Variants in SNCAIP observed in about 807,000 individuals in gnomAD.
The protein encoded by SNCAIP is synphilin-1.
In SNCAIP, 43 loss-of-function variants were observed where a neutral mutation model predicts 86.7. That is an observed-to-expected ratio of 0.50 (90% CI 0.39 to 0.64). The LOEUF is 0.64. Among genes scored for constraint, SNCAIP ranks in the 30% least tolerant of loss-of-function variants. The probability of loss-of-function intolerance (pLI) is 0.00; values close to 1 mark genes in which losing one functional copy is unlikely to be tolerated. For synonymous variants in SNCAIP, 417 were observed against 427.2 expected (o/e 0.98, Z 0.29); for missense variants, 981 against 1,103.1 (o/e 0.89, Z 1.57).
chr5:122,347,200 G>T, intron 1 of SNCAIP, among the ~76,000 whole-genome samples: 1 of 152,052 alleles, frequency 6.6e-6, no homozygotes, highest in East Asian at 1.9e-4. Flanking sequence ...CCCACAAATT[G>T]TTTGAAAGGA....
At chr5:122,365,124 C>T (rs894573640) in intron 1 of SNCAIP, among the ~76,000 whole-genome samples, 3 of 152,090 alleles carry the variant, frequency 2.0e-5, no homozygotes, top group African/African-American at 7.2e-5. Context: ...CCTATTTAAT[C>T]CCATTTAGCT....
intron 4 of SNCAIP, 44 bp from the exon 5 acceptor site, chr5:122,425,308 T>C: frequency 2.7e-6 from 4 of 1,495,568 alleles, no homozygotes; most frequent in Non-Finnish European, 3.7e-6. Flanking sequence ...AGGGTCTTGC[T>C]CTGATTTATT....
At chr5:122,342,883 T>C (rs1345139545) in intron 1 of SNCAIP, among the ~76,000 whole-genome samples, 31 of 152,254 alleles carry the variant, frequency 2.0e-4, no homozygotes, top group Non-Finnish European at 2.9e-5. Context: ...TTAGGATATG[T>C]TATTCTTATC....
At chr5:122,376,140 T>C (rs1173044708) in intron 1 of SNCAIP, among the ~76,000 whole-genome samples, 1 of 152,130 alleles carries the variant, frequency 6.6e-6, no homozygotes, top group East Asian at 1.9e-4. Context: ...TCGTGCACTC[T>C]AAAGTTTGAG....
At position 122,432,007 on chromosome 5, in the gene SNCAIP, A is replaced by C; in HGVS notation, c.1221A>C (p.Glu407Asp). The C allele has an allele frequency of 1.2e-6, 2 of 1,607,410 alleles. No homozygotes were observed. Among genetic ancestry groups the C allele is most frequent in the Non-Finnish European group, 1.7e-6 (2 of 1,174,144 alleles). ...AGTGCGTACGCTGGATGGTGAGCGA[A>C]ACAGAAGCCATTGCAGAACTGAGTT... ...QLECVRWMVSETEAIAELSCS... is the reference protein window; with the variant it reads ...QLECVRWMVSDTEAIAELSCS... The change falls in exon 6 of 11, where the codon GAA (glutamate) becomes GAC (aspartate). Residue 407 changes from glutamate (E) to aspartate (D), a missense_variant. Transcript: ENST00000261368.
chr5:122,451,590 A>G lies in SNCAIP; in HGVS notation c.2743A>G (p.Lys915Glu), dbSNP rs1270167109. Reference sequence around the variant, plus strand: ...CCCTGCCAGCTCCGCTAGCAAAGGAAAGAATAAGGCAGTAAGTGCTATTTG... The same window carrying G: ...CCCTGCCAGCTCCGCTAGCAAAGGAGAGAATAAGGCAGTAAGTGCTATTTG... The part of the protein sequence containing the change: ...GNPASSASKG[K>E]NKAA Residue 915 changes from lysine (K) to glutamate (E), a missense_variant, in exon 10 of 11, where the codon AAG becomes GAG. Physicochemically the swap from Lys to Glu is moderately conservative, Grantham distance 56. Coordinates refer to ENST00000261368, the MANE Select transcript of SNCAIP (RefSeq NM_005460.4). 4 of 1,605,382 alleles carry G rather than the reference A, an allele frequency of 2.5e-6. No homozygotes were observed. The Admixed American group carries it at 5.0e-5, about 20-fold the overall frequency.
chr5:122,438,030 A>G (rs1180714259), intron 6 of SNCAIP, among the ~76,000 whole-genome samples: 2 of 152,214 alleles, frequency 1.3e-5, no homozygotes, highest in African/African-American at 2.4e-5. Context: ...TGGGGCCTGG[A>G]AATATGGAAT....
At chr5:122,315,077 C>T (rs1212208963) in intron 1 of SNCAIP, among the ~76,000 whole-genome samples, 2 of 152,206 alleles carry the variant, frequency 1.3e-5, no homozygotes, top group Admixed American at 1.3e-4. Context: ...TTATTCATTG[C>T]TGGATAACAA....
At chr5:122,357,239 T>G (rs1456353451) in intron 1 of SNCAIP, among the ~76,000 whole-genome samples, 1 of 152,116 alleles carries the variant, frequency 6.6e-6, no homozygotes, top group African/African-American at 2.4e-5. Context: ...TTTTATTTAT[T>G]TATTTATTTA....
chr5:122,428,129 A>G (rs2152935910), intron 5 of SNCAIP, among the ~76,000 whole-genome samples: 1 of 152,350 alleles, frequency 6.6e-6, no homozygotes, highest in African/African-American at 2.4e-5. Flanking sequence ...TCTAGGAATG[A>G]AATAATCTTA....
chr5:122,420,038 C>T (rs954306064), intron 3 of SNCAIP, among the ~76,000 whole-genome samples: 1 of 152,126 alleles, frequency 6.6e-6, no homozygotes, highest in Non-Finnish European at 1.5e-5. Flanking sequence ...TAATGAAAAC[C>T]TGTGAAATAA....
At chr5:122,365,062 ATC>A (rs1258050902) in intron 1 of SNCAIP, among the ~76,000 whole-genome samples, 1 of 152,154 alleles carries the variant, frequency 6.6e-6, no homozygotes, top group Non-Finnish European at 1.5e-5. Flanking sequence ...TGTATTGGTG[ATC>A]TCTCTTCCCC....
intron 3 of SNCAIP, among the ~76,000 whole-genome samples, chr5:122,408,762 G>A (rs923440875): frequency 8.5e-5 from 13 of 152,198 alleles, no homozygotes; most frequent in African/African-American, 2.9e-4. Flanking sequence ...GAGATGCACA[G>A]GTGCTATTGA....
chr5:122,397,651 T>C (rs1307596122), intron 2 of SNCAIP, among the ~76,000 whole-genome samples: 1 of 152,016 alleles, frequency 6.6e-6, no homozygotes, highest in African/African-American at 2.4e-5. Context: ...TAAAGCAGAG[T>C]CTAATAGAGG....
At chr5:122,346,157 A>G (rs1758583217) in intron 1 of SNCAIP, among the ~76,000 whole-genome samples, 1 of 152,138 alleles carries the variant, frequency 6.6e-6, no homozygotes, top group Non-Finnish European at 1.5e-5. Context: ...GATAAATATG[A>G]CCTGGCCCTG....
chr5:122,356,993 C>G (rs559455891), intron 1 of SNCAIP, among the ~76,000 whole-genome samples: 19 of 152,254 alleles, frequency 1.2e-4, no homozygotes, highest in African/African-American at 4.6e-4. Flanking sequence ...ACAGTAAATT[C>G]CAAACTCCTT....
chr5:122,327,110 G>T (rs1258201927), intron 1 of SNCAIP, among the ~76,000 whole-genome samples: 1 of 151,132 alleles, frequency 6.6e-6, no homozygotes, highest in African/African-American at 2.4e-5. Flanking sequence ...TTTATTTTTT[G>T]CCTCAAGTGA....
At chr5:122,392,006 A>C (rs1448622925) in intron 2 of SNCAIP, among the ~76,000 whole-genome samples, 1 of 152,152 alleles carries the variant, frequency 6.6e-6, no homozygotes, top group Non-Finnish European at 1.5e-5. Flanking sequence ...AGGACCCTCA[A>C]GTTCACAACT....
At chr5:122,436,282 G>C (rs1779454696) in intron 6 of SNCAIP, among the ~76,000 whole-genome samples, 1 of 150,852 alleles carries the variant, frequency 6.6e-6, no homozygotes, top group South Asian at 2.1e-4. Flanking sequence ...GGAGATAATA[G>C]AACCTTCCTC....
Sources: gnomAD v4.1 joint callset for allele counts (sites outside exome capture counted in the v4.1 genomes callset) on GRCh38, gnomAD v4.1.1 for gene constraint, MANE v1.5 for transcripts, NCBI Gene and HGNC (gene_info 2026-07-23, HGNC 2026-07-21) for gene names.